BNC2: variants seen among roughly 807,000 people sequenced by gnomAD.
BNC2 encodes the protein basonuclin zinc finger protein 2, also known as zinc finger protein basonuclin-2.
BNC2 carries 20 observed loss-of-function variants against 76.3 expected under a neutral mutation model. The ratio of observed to expected loss-of-function variants is 0.26; its 90% confidence interval spans 0.18 to 0.38. BNC2 has a LOEUF of 0.38. Ranked by LOEUF, BNC2 falls within the 10% of genes least tolerant of loss-of-function variation. BNC2 has a pLI of 1.00. For synonymous variants in BNC2, 582 were observed against 514.8 expected (o/e 1.13, Z -1.77); for missense variants, 1,382 against 1,399.8 (o/e 0.99, Z 0.20).
chr9:16,750,537 G>A (rs952472218), intron 1 of BNC2, among the ~76,000 whole-genome samples: 1 of 152,112 alleles, frequency 6.6e-6, no homozygotes, highest in African/African-American at 2.4e-5. Context: ...GATGCGAATG[G>A]GCATCCCTCC....
chr9:16,759,906 G>T (rs2135371292), intron 1 of BNC2, among the ~76,000 whole-genome samples: 1 of 152,170 alleles, frequency 6.6e-6, no homozygotes, highest in Admixed American at 6.5e-5. Context: ...TGTATTTTCA[G>T]TAGAGACGGG....
chr9:16,554,712 T>C (rs1195262710), intron 4 of BNC2, among the ~76,000 whole-genome samples: 1 of 152,162 alleles, frequency 6.6e-6, no homozygotes, highest in Non-Finnish European at 1.5e-5. Flanking sequence ...GTGGCTGCTC[T>C]GCTAACAGAA....
At chr9:16,780,374 C>A (rs950080058) in intron 1 of BNC2, among the ~76,000 whole-genome samples, 1 of 151,616 alleles carries the variant, frequency 6.6e-6, no homozygotes, top group East Asian at 1.9e-4. Flanking sequence ...GAGCTCAAGA[C>A]CATCCTGGCC....
At chr9:16,449,972 G>A (rs1352424587) in intron 5 of BNC2, among the ~76,000 whole-genome samples, 2 of 151,920 alleles carry the variant, frequency 1.3e-5, no homozygotes, top group Non-Finnish European at 2.9e-5. Flanking sequence ...AATTAAACGG[G>A]TTAGGTATAA....
chr9:16,707,294 G>A (rs1161907149), intron 3 of BNC2, among the ~76,000 whole-genome samples: 2 of 151,756 alleles, frequency 1.3e-5, no homozygotes, highest in Non-Finnish European at 1.5e-5. Flanking sequence ...CAATTTTGAT[G>A]TTACTAGTGT....
intron 4 of BNC2, among the ~76,000 whole-genome samples, chr9:16,562,546 C>T (rs1399782388): frequency 6.6e-6 from 1 of 152,126 alleles, no homozygotes; most frequent in Non-Finnish European, 1.5e-5. Context: ...AAAATATTTA[C>T]CATTAATCAT....
At chr9:16,551,934 C>T (rs1447157586) in intron 5 of BNC2, among the ~76,000 whole-genome samples, 1 of 152,160 alleles carries the variant, frequency 6.6e-6, no homozygotes, top group Non-Finnish European at 1.5e-5. Flanking sequence ...AGAACAGGTT[C>T]TGCAAAGACG....
chr9:16,724,233 G>T (rs575316520), intron 3 of BNC2, among the ~76,000 whole-genome samples: 11 of 151,784 alleles, frequency 7.2e-5, no homozygotes, highest in Admixed American at 2.6e-4. Context: ...AAATAGACTG[G>T]ACTATTACAT....
intron 3 of BNC2, among the ~76,000 whole-genome samples, chr9:16,601,150 T>C (rs533360734): frequency 6.5e-4 from 99 of 152,304 alleles, no homozygotes; most frequent in African/African-American, 2.3e-3. Flanking sequence ...AGAAAACTCT[T>C]ACCTATTAAA....
Position 16,861,181 on chromosome 9 carries a change from A to AATATATATATATAT in BNC2, c.3+9451_3+9464dup, listed in dbSNP as rs71327866. The stretch of plus-strand genomic sequence containing the variant: ...ACATGGTAATACCCTATCTCTACAA[A>AATATATATATATAT]ATATATATATATATATATATAAATT... On this transcript the variant is annotated intron_variant, in intron 1 of 6. Coordinates refer to ENST00000380672, the MANE Select transcript of BNC2 (RefSeq NM_017637.6). Among the ~76,000 whole-genome samples, 1,131 of 131,700 alleles carry AATATATATATATAT rather than the reference A, an allele frequency of 8.6e-3. 41 individuals are homozygous for AATATATATATATAT. The highest frequency in any genetic ancestry group is 0.018 in the African/African-American group (576 of 32,092). 86.4% of individuals were successfully genotyped at this position (131,700 alleles called of 152,430 possible). A position where few individuals can be genotyped will look rare whatever the true frequency, so the allele number is the denominator to read the frequency against.
At chr9:16,524,138 G>A (rs552801668) in intron 5 of BNC2, among the ~76,000 whole-genome samples, 8 of 152,106 alleles carry the variant, frequency 5.3e-5, no homozygotes, top group African/African-American at 1.7e-4. Flanking sequence ...TAAAAGAAGC[G>A]AATTATAATA....
intron 4 of BNC2, among the ~76,000 whole-genome samples, chr9:16,576,185 T>C (rs1173994298): frequency 6.6e-6 from 1 of 152,228 alleles, no homozygotes; most frequent in Non-Finnish European, 1.5e-5. Flanking sequence ...AAAGAAAATG[T>C]TGTTTTCGTT....
chr9:16,780,166 G>C (rs1388422158), intron 1 of BNC2, among the ~76,000 whole-genome samples: 1 of 149,810 alleles, frequency 6.7e-6, no homozygotes, highest in Non-Finnish European at 1.5e-5. Flanking sequence ...AACCTGGGAG[G>C]CGGAGCTTGC....
chr9:16,468,038 C>CTTTTTTTTTTTTTTTTTTTTTTT (rs1414982362), intron 5 of BNC2, among the ~76,000 whole-genome samples: 2 of 146,180 alleles, frequency 1.4e-5, no homozygotes, highest in African/African-American at 5.2e-5. Context: ...TTCTTTCTTT[C>CTTTTTTTTTTTTTTTTTTTTTTT]TCTTTTTTTT....
intron 3 of BNC2, among the ~76,000 whole-genome samples, chr9:16,687,048 G>T (rs377424539): frequency 6.6e-6 from 1 of 151,996 alleles, no homozygotes; most frequent in South Asian, 2.1e-4. Context: ...ACACTCTTAC[G>T]GAGTATGAGC....
At chr9:16,455,553 G>A (rs1821429450) in intron 5 of BNC2, among the ~76,000 whole-genome samples, 1 of 152,200 alleles carries the variant, frequency 6.6e-6, no homozygotes, top group Non-Finnish European at 1.5e-5. Context: ...CACTTTGGGA[G>A]GCCAAGGCAG....
chr9:16,639,494 C>A (rs1821424765), intron 3 of BNC2, among the ~76,000 whole-genome samples: 1 of 152,126 alleles, frequency 6.6e-6, no homozygotes. Context: ...CCACTATATT[C>A]TTTTCTATTA....
chr9:16,661,426 G>T (rs573061406), intron 3 of BNC2, among the ~76,000 whole-genome samples: 3 of 152,244 alleles, frequency 2.0e-5, no homozygotes, highest in East Asian at 3.9e-4. Flanking sequence ...ATGGGGAAGT[G>T]ATCAGTATAC....
intron 5 of BNC2, among the ~76,000 whole-genome samples, chr9:16,440,836 T>C (rs773911701): frequency 1.4e-4 from 22 of 152,252 alleles, no homozygotes; most frequent in Admixed American, 5.2e-4. Flanking sequence ...TCCAGGTAAG[T>C]ATGATTTAGA....
Sources: allele counts gnomAD v4.1 joint callset (sites outside exome capture counted in the v4.1 genomes callset), GRCh38; gene constraint gnomAD v4.1.1; transcripts MANE v1.5; gene names NCBI Gene and HGNC (gene_info 2026-07-23, HGNC 2026-07-21).